The following TRABD2B variants were observed in gnomAD, a reference collection of about 807,000 sequenced individuals.
TRABD2B encodes the protein TraB domain containing 2B.
Under a neutral mutation model 40.1 loss-of-function variants are expected in TRABD2B, and 14 were observed. The observed-to-expected ratio is 0.35, with a 90% CI of 0.23 to 0.55. The LOEUF is 0.55. TRABD2B is among the 20% of genes least tolerant of loss of function. The probability of loss-of-function intolerance (pLI) is 0.90; values close to 1 mark genes in which losing one functional copy is unlikely to be tolerated. For missense variants in TRABD2B, 541 were observed against 648.6 expected (o/e 0.83, Z 1.80); for synonymous variants, 263 against 277.0 (o/e 0.95, Z 0.50).
chr1:47,980,824 T>C (rs1296904702), intron 2 of TRABD2B, among the ~76,000 whole-genome samples: 1 of 152,132 alleles, frequency 6.6e-6, no homozygotes, highest in Admixed American at 6.5e-5. Context: ...GAAAATGGAC[T>C]ATCTCACTCT....
intron 2 of TRABD2B, among the ~76,000 whole-genome samples, chr1:47,875,253 AGTG>A (rs980935741): frequency 6.6e-6 from 1 of 151,774 alleles, no homozygotes; most frequent in African/African-American, 2.4e-5. Flanking sequence ...TCCTGAGTAC[AGTG>A]GAAGACTGAA....
chr1:47,928,913 C>T (rs1029185420), intron 2 of TRABD2B, among the ~76,000 whole-genome samples: 3 of 152,212 alleles, frequency 2.0e-5, no homozygotes, highest in African/African-American at 7.2e-5. Context: ...GAATTGATCT[C>T]CCAGGTAAAA....
chr1:47,835,616 TAAA>T (rs1645308252), intron 2 of TRABD2B, among the ~76,000 whole-genome samples: 1 of 152,156 alleles, frequency 6.6e-6, no homozygotes, highest in Admixed American at 6.5e-5. Context: ...GGTGATATAT[TAAA>T]AAGTGCTAAA....
intron 2 of TRABD2B, among the ~76,000 whole-genome samples, chr1:47,826,233 CT>C (rs1216963304): frequency 6.6e-6 from 1 of 152,110 alleles, no homozygotes; most frequent in Admixed American, 6.5e-5. Context: ...GGAGAAATAC[CT>C]ATCTTTCTAG....
At chr1:47,768,299 C>A (rs148575974) in intron 6 of TRABD2B, among the ~76,000 whole-genome samples, 1 of 150,800 alleles carries the variant, frequency 6.6e-6, no homozygotes, top group African/African-American at 2.4e-5. Context: ...GCAGGGATGG[C>A]GTTTCTGAGT....
intron 2 of TRABD2B, among the ~76,000 whole-genome samples, chr1:47,926,859 T>A (rs1423959750): frequency 6.6e-6 from 1 of 152,160 alleles, no homozygotes; most frequent in Admixed American, 6.5e-5. Flanking sequence ...CATCCTATAG[T>A]CTTTGCTAAG....
At chr1:47,938,033 T>C (rs1645137096) in intron 2 of TRABD2B, among the ~76,000 whole-genome samples, 1 of 152,192 alleles carries the variant, frequency 6.6e-6, no homozygotes, top group Admixed American at 6.5e-5. Flanking sequence ...CATGATATAT[T>C]TTGCCAGCCG....
rs998563476 is a variant in TRABD2B, at chr1:47,981,019, C to CT, written c.666+13014dup. Among the ~76,000 whole-genome samples, 141 of 151,326 alleles carry CT rather than the reference C, an allele frequency of 9.3e-4. 1 individual carries two copies. The highest frequency in any genetic ancestry group is 2.8e-3 in the African/African-American group (116 of 41,288). ...CATTCCCTCTTTTCTTTTTTCTTTT[C>CT]TTTTTTTTTGACAGAGTCTTGCTCT... On this transcript the variant is annotated intron_variant, in intron 2 of 6. Coordinates refer to ENST00000606738, the MANE Select transcript of TRABD2B (RefSeq NM_001194986.2).
chr1:47,930,933 G>C (rs1362920325), intron 2 of TRABD2B, among the ~76,000 whole-genome samples: 1 of 152,140 alleles, frequency 6.6e-6, no homozygotes, highest in East Asian at 1.9e-4. Flanking sequence ...CCTTCCTGAT[G>C]GGAGCAATGT....
intron 2 of TRABD2B, among the ~76,000 whole-genome samples, chr1:47,889,370 C>T: frequency 6.6e-6 from 1 of 152,230 alleles, no homozygotes; most frequent in Non-Finnish European, 1.5e-5. Flanking sequence ...TCTCACCTCT[C>T]AGGGTTTGGG....
At chr1:47,798,573 C>T (rs762763491) in intron 3 of TRABD2B, among the ~76,000 whole-genome samples, 54 of 152,192 alleles carry the variant, frequency 3.5e-4, no homozygotes, top group Non-Finnish European at 7.1e-4. Context: ...GTGTTATCCA[C>T]CCAGGCCTGC....
intron 2 of TRABD2B, among the ~76,000 whole-genome samples, chr1:47,988,917 C>T (rs1000610582): frequency 6.6e-6 from 1 of 152,186 alleles, no homozygotes; most frequent in African/African-American, 2.4e-5. Context: ...GTATGTGTCC[C>T]TCCAAAATTC....
intron 2 of TRABD2B, among the ~76,000 whole-genome samples, chr1:47,905,467 T>G (rs1030168026): frequency 1.1e-4 from 17 of 152,272 alleles, no homozygotes; most frequent in African/African-American, 4.1e-4. Flanking sequence ...GGAGTACATG[T>G]TGCAACCTAC....
At chr1:47,911,537 G>A (rs527814705) in intron 2 of TRABD2B, among the ~76,000 whole-genome samples, 1 of 152,328 alleles carries the variant, frequency 6.6e-6, no homozygotes, top group South Asian at 2.1e-4. Flanking sequence ...CTAATGCATC[G>A]TCTGTCAGTT....
chr1:47,997,081 G>A lies in TRABD2B; in HGVS notation c.-292C>T. ...AGGGCGTGTTGGGGTCCGGGGGCGC[G>A]CGGGGTCCCGGAGCTGCGTCGCGGT... On this transcript the variant is annotated 5_prime_UTR_variant, in exon 1 of 7. Transcript: ENST00000606738. The A allele has an allele frequency of 1.0e-6, 1 of 984,198 alleles. No homozygotes were observed. The highest frequency in any genetic ancestry group is 1.2e-6 in the Non-Finnish European group (1 of 829,238). 61.0% of individuals were successfully genotyped at this position (984,198 alleles called of 1,614,324 possible). A position where few individuals can be genotyped will look rare whatever the true frequency, so the allele number is the denominator to read the frequency against.
In TRABD2B at chr1:47,894,783, G is replaced by A. The variant is rs184924015; in HGVS notation, c.667-93164C>T. On this transcript the variant is annotated intron_variant, in intron 2 of 6. Transcript: ENST00000606738. ...ATAGGGACAGGGAAGTGAACATGAC[G>A]TACCACTCCTTCCACAAAGAATCTG... Among the ~76,000 whole-genome samples the A allele has an allele frequency of 7.2e-5, 11 of 152,248 alleles. No homozygotes were observed. The South Asian group carries it at 1.7e-3, about 23-fold the overall frequency.
chr1:47,779,549 G>A (rs1188284437), intron 4 of TRABD2B, among the ~76,000 whole-genome samples: 2 of 152,212 alleles, frequency 1.3e-5, no homozygotes, highest in African/African-American at 2.4e-5. Flanking sequence ...GTACTCAGGG[G>A]AGCCTCTCCT....
chr1:47,771,991 G>C (rs1644383412), intron 6 of TRABD2B, among the ~76,000 whole-genome samples: 1 of 152,098 alleles, frequency 6.6e-6, no homozygotes, highest in African/African-American at 2.4e-5. Flanking sequence ...TCCCAGCCTG[G>C]AGCATGAGTG....
intron 2 of TRABD2B, among the ~76,000 whole-genome samples, chr1:47,874,746 A>G (rs887156465): frequency 1.3e-5 from 2 of 151,318 alleles, no homozygotes; most frequent in African/African-American, 4.9e-5. Flanking sequence ...ATATATATAT[A>G]TATACACGCA....
Sources: allele counts gnomAD v4.1 joint callset (sites outside exome capture counted in the v4.1 genomes callset), GRCh38; gene constraint gnomAD v4.1.1; transcripts MANE v1.5; gene names NCBI Gene and HGNC (gene_info 2026-07-23, HGNC 2026-07-21).